The following NME8 variants were observed in gnomAD, a reference collection of about 807,000 sequenced individuals.
The protein encoded by NME8 is NME/NM23 family member 8, also known as protein NME8.
In NME8, 72 loss-of-function variants were observed where a neutral mutation model predicts 82.3. That is an observed-to-expected ratio of 0.87 (90% CI 0.72 to 1.06). NME8 has a LOEUF of 1.06. Ranked by LOEUF, NME8 falls within the 50% of genes least tolerant of loss-of-function variation. NME8 has a pLI of 0.00. For synonymous variants in NME8, 267 were observed against 228.5 expected (o/e 1.17, Z -1.52); for missense variants, 712 against 685.4 (o/e 1.04, Z -0.43).
chr7:37,888,472 A>G (rs1047199933), intron 15 of NME8, 44 bp downstream of exon 15: 3 of 1,564,418 alleles, frequency 1.9e-6, no homozygotes, highest in Middle Eastern at 1.7e-4. Flanking sequence ...TTTTCTCCAA[A>G]TTTTGTGAAC....
intron 15 of NME8, among the ~76,000 whole-genome samples, chr7:37,893,309 C>G (rs1785161611): frequency 6.6e-6 from 1 of 152,144 alleles, no homozygotes; most frequent in African/African-American, 2.4e-5. Context: ...CCACTCCTAC[C>G]CTAATTCATT....
chr7:37,850,994 G>C (rs965024180), intron 5 of NME8, among the ~76,000 whole-genome samples: 3 of 152,090 alleles, frequency 2.0e-5, no homozygotes, highest in Non-Finnish European at 4.4e-5. Context: ...CACATCTATT[G>C]TTCTGTTTCC....
chr7:37,850,208 A>G lies in NME8; in HGVS notation c.-7-52A>G, dbSNP rs879588920. On this transcript the variant is annotated intron_variant, in intron 2 of 17. Transcript: ENST00000199447. ...GATGTTATTTGCATGCATAAAGAAAATGTTATTTAAATTTCCTACTTAAAA... is the reference window on the plus strand; with the variant it reads ...GATGTTATTTGCATGCATAAAGAAAGTGTTATTTAAATTTCCTACTTAAAA... The G allele has an allele frequency of 1.9e-5, 27 of 1,437,044 alleles. No individual in the cohort carries two copies. The Admixed American group carries it at 2.5e-4, about 13-fold the overall frequency. 89.0% of individuals were successfully genotyped at this position (1,437,044 alleles called of 1,614,324 possible). A position where few individuals can be genotyped will look rare whatever the true frequency, so the allele number is the denominator to read the frequency against.
intron 14 of NME8, 75 bp from the exon 15 acceptor site, chr7:37,888,202 G>C: frequency 2.7e-6 from 4 of 1,462,166 alleles, no homozygotes; most frequent in Non-Finnish European, 3.8e-6. Context: ...GATAACTTTT[G>C]AACAACTTAT....
intron 6 of NME8, among the ~76,000 whole-genome samples, chr7:37,859,176 C>T (rs752922215): frequency 4.6e-5 from 7 of 152,292 alleles, no homozygotes; most frequent in South Asian, 2.1e-4. Context: ...GCCATCACCC[C>T]GACCGCTAGT....
intron 16 of NME8, among the ~76,000 whole-genome samples, chr7:37,896,164 A>G (rs577472384): frequency 6.6e-6 from 1 of 152,328 alleles, no homozygotes; most frequent in Non-Finnish European, 1.5e-5. Flanking sequence ...AGTTAACAAA[A>G]TTTAATGGAA....
chr7:37,873,338 C>T (rs1174164540), intron 11 of NME8, among the ~76,000 whole-genome samples: 9 of 130,508 alleles, frequency 6.9e-5, no homozygotes, highest in East Asian at 2.3e-4. Flanking sequence ...CCAGCCTGGG[C>T]GACTGAGTGA....
chr7:37,867,032 A>G (rs1207604640), intron 10 of NME8, among the ~76,000 whole-genome samples: 1 of 152,194 alleles, frequency 6.6e-6, no homozygotes, highest in African/African-American at 2.4e-5. Flanking sequence ...AGGAATAGTC[A>G]CTTATGCCTT....
chr7:37,860,460 G>C (rs1471667319), intron 6 of NME8, among the ~76,000 whole-genome samples: 1 of 152,152 alleles, frequency 6.6e-6, no homozygotes, highest in African/African-American at 2.4e-5. Context: ...GTTTGAATAT[G>C]GTGACCATGC....
rs753326006 is a variant in NME8, at chr7:37,867,725, T to C, written c.645T>C (p.Ser215=). The part of the protein sequence containing the change: ...ADQCDFEEFV[S]FMTSGLSYIL... The stretch of plus-strand genomic sequence containing the variant: ...AGTGTGACTTCGAAGAGTTTGTCTC[T>C]TTTATGACAAGTGGCTTAAGCTATA... The change falls in exon 11 of 18, where the codon TCT becomes TCC. Residue 215 remains serine (S), a synonymous_variant. Coordinates refer to ENST00000199447, the MANE Select transcript of NME8 (RefSeq NM_016616.5). The C allele has an allele frequency of 1.9e-6, 3 of 1,613,322 alleles. No homozygotes were observed. Among genetic ancestry groups the C allele is most frequent in the Non-Finnish European group, 2.5e-6 (3 of 1,179,456 alleles).
chr7:37,890,628 A>G (rs1785116407), intron 15 of NME8, among the ~76,000 whole-genome samples: 1 of 151,872 alleles, frequency 6.6e-6, no homozygotes, highest in Non-Finnish European at 1.5e-5. Flanking sequence ...TACTTCTAGG[A>G]GATCAACTTC....
At chr7:37,857,007 G>A (rs1784521523) in intron 5 of NME8, among the ~76,000 whole-genome samples, 1 of 152,132 alleles carries the variant, frequency 6.6e-6, no homozygotes, top group Non-Finnish European at 1.5e-5. Context: ...AGTAAAAGAA[G>A]GGCAGGACCA....
chr7:37,871,344 C>T lies in NME8; in HGVS notation c.818+3446C>T, dbSNP rs140787990. Among the ~76,000 whole-genome samples, 15 of 152,342 alleles carry T rather than the reference C, an allele frequency of 9.8e-5. No homozygotes were observed. The East Asian group carries it at 2.5e-3, about 25-fold the overall frequency. On this transcript the variant is annotated intron_variant, in intron 11 of 17. Transcript: ENST00000199447. ...CAGAGGTACCCATGTTTGTCATTCA[C>T]ATTCCAGCTTCTTTCATGATGGCTT...
intron 8 of NME8, 43 bp downstream of exon 8, chr7:37,863,505 G>A (rs767053938): frequency 1.2e-5 from 13 of 1,129,258 alleles, no homozygotes; most frequent in Middle Eastern, 2.0e-4. Context: ...TTTTCTGTAC[G>A]TGGGCGGTCA....
At chr7:37,850,566 T>C (rs1784424593) in intron 4 of NME8, 63 bp from the exon 5 acceptor site, 6 of 1,514,178 alleles carry the variant, frequency 4.0e-6, no homozygotes, top group Non-Finnish European at 3.7e-6. Context: ...TGGCTCCAGA[T>C]TGGGATAACT....
chr7:37,874,562 GA>G (rs1021724026), intron 11 of NME8, among the ~76,000 whole-genome samples: 1 of 151,908 alleles, frequency 6.6e-6, no homozygotes, highest in African/African-American at 2.4e-5. Context: ...ATTAACAAGG[GA>G]AAAACATGGA....
Position 37,850,401 on chromosome 7 carries a change from G to A in NME8, c.57G>A (p.Leu19=), listed in dbSNP as rs752092011. ...AGACAGTCATCAATAATCAAAGCCT[G>A]TGGGATGAGATGTTGCAGAACAAAG... ...QLQTVINNQS[L]WDEMLQNKGL... is the part of the protein sequence containing the mutation. The change falls in exon 4 of 18, where the codon CTG becomes CTA. Residue 19 remains leucine (L), a synonymous_variant. Coordinates refer to ENST00000199447, the MANE Select transcript of NME8 (RefSeq NM_016616.5). 3.7e-6 allele frequency: 6 copies of A among 1,614,020 alleles called. No homozygotes were observed. The African/African-American group carries it at 8.0e-5, about 22-fold the overall frequency.
chr7:37,880,784 C>T (rs2598014), intron 12 of NME8, among the ~76,000 whole-genome samples: 71,050 of 151,830 alleles, frequency 0.47, 17,037 homozygotes, highest in East Asian at 0.74. Context: ...AATATCTCTC[C>T]ATTTATTTAG....
At position 37,865,599 on chromosome 7, in the gene NME8, T is replaced by C. The variant is rs763951968; in HGVS notation, c.603T>C (p.Tyr201=). The change falls in exon 10 of 18, where the codon TAT becomes TAC. Residue 201 remains tyrosine (Y), a synonymous_variant. Coordinates refer to ENST00000199447, the MANE Select transcript of NME8 (RefSeq NM_016616.5). ...CTGAAGAACAAGTTGTCAACTTCTA[T>C]AGTCGAATAGCAGACCAGGTATGAA... is the stretch of plus-strand genomic sequence containing the variant. ...VLTEEQVVNF[Y]SRIADQCDFE... 5.8e-5 allele frequency: 94 copies of C among 1,610,864 alleles called. 1 individual carries two copies. In the East Asian group the frequency reaches 8.3e-4, roughly 14 times the overall value.
Sources: gnomAD v4.1 joint callset for allele counts (sites outside exome capture counted in the v4.1 genomes callset) on GRCh38, gnomAD v4.1.1 for gene constraint, MANE v1.5 for transcripts, NCBI Gene and HGNC (gene_info 2026-07-23, HGNC 2026-07-21) for gene names.